Variants in RANBP2 observed in about 807,000 individuals in gnomAD.
RANBP2 encodes RAN binding protein 2, also known as E3 SUMO-protein ligase RanBP2.
RANBP2 carries 57 observed loss-of-function variants against 303.6 expected under a neutral mutation model. The ratio of observed to expected loss-of-function variants is 0.19; its 90% CI spans 0.15 to 0.23. The LOEUF is 0.23. RANBP2 is among the 10% of genes least tolerant of loss of function. The probability of loss-of-function intolerance (pLI) is 1.00; values close to 1 mark genes in which losing one functional copy is unlikely to be tolerated. For missense variants in RANBP2, 3,138 were observed against 3,780.8 expected (o/e 0.83, Z 4.46); for synonymous variants, 1,167 against 1,301.5 (o/e 0.90, Z 2.23).
At chr2:108,778,840 C>G (rs1387196353) in intron 25 of RANBP2, among the ~76,000 whole-genome samples, 1 of 151,960 alleles carries the variant, frequency 6.6e-6, no homozygotes, top group Non-Finnish European at 1.5e-5. Flanking sequence ...GCAATCCTTC[C>G]ACCTCAGCTT....
chr2:108,772,510 T>A lies in RANBP2; in HGVS notation c.8042T>A (p.Val2681Asp). The A allele has an allele frequency of 6.2e-7, 1 of 1,613,566 alleles. No individual in the cohort carries two copies. Among genetic ancestry groups the A allele is most frequent in the Non-Finnish European group, 8.5e-7 (1 of 1,179,694 alleles). The part of the protein sequence containing the change: ...EEDDEDFETA[V>D]KKLNGKLYLD... ...TAAGATGAAGATTTCGAAACAGCTG[T>A]CAAGAAACTTAATGGAAAACTATAT... is the stretch of plus-strand genomic sequence containing the variant. Residue 2681 changes from valine (V) to aspartate (D), a missense_variant, in exon 22 of 29, where the codon GTC becomes GAC. Physicochemically the swap from Val to Asp is radical, Grantham distance 152. Coordinates refer to ENST00000283195, the MANE Select transcript of RANBP2 (RefSeq NM_006267.5).
chr2:109,651,090 C>T, the RANBP2 span, among the ~76,000 whole-genome samples: 1 of 152,214 alleles, frequency 6.6e-6, no homozygotes, highest in East Asian at 1.9e-4. Context: ...CCTTCATACA[C>T]CAACTTCTCC....
At chr2:109,065,144 C>T in the RANBP2 span, among the ~76,000 whole-genome samples, 8 of 152,308 alleles carry the variant, frequency 5.3e-5, no homozygotes, top group Middle Eastern at 6.8e-3. Flanking sequence ...GTTGGCCCAG[C>T]TTCCAACAAA....
the RANBP2 span, among the ~76,000 whole-genome samples, chr2:109,649,053 C>A: frequency 6.6e-6 from 1 of 152,096 alleles, no homozygotes; most frequent in South Asian, 2.1e-4. Context: ...CAGTTGACGG[C>A]CTGGTGCTCG....
rs542610397 is a variant in RANBP2 at position 108,739,591 on chromosome 2, C to T, written c.783-898C>T. ...GCTTTATTGTAAGCCACTTTAAAAT[C>T]ATGCTTCACGTTTAAGTGTTTGCTT... On this transcript the variant is annotated intron_variant, in intron 6 of 28. Transcript: ENST00000283195. Among the ~76,000 whole-genome samples the T allele has an allele frequency of 8.8e-3, 1,338 of 152,294 alleles. 24 individuals carry two copies. Among genetic ancestry groups the T allele is most frequent in the African/African-American group, 0.03 (1,227 of 41,564 alleles).
chr2:108,795,993 G>C, the RANBP2 span, among the ~76,000 whole-genome samples: 1 of 151,950 alleles, frequency 6.6e-6, no homozygotes, highest in South Asian at 2.1e-4. Flanking sequence ...TGTTTAATAA[G>C]AAAAAAATGA....
chr2:108,914,221 C>T, the RANBP2 span, among the ~76,000 whole-genome samples: 3 of 151,942 alleles, frequency 2.0e-5, no homozygotes, highest in Admixed American at 2.0e-4. Context: ...GATCACACCA[C>T]TGCACTCTAG....
the RANBP2 span, chr2:109,613,926 G>C: frequency 2.5e-6 from 3 of 1,222,640 alleles, no homozygotes; most frequent in Non-Finnish European, 3.1e-6. Flanking sequence ...AGAAGCAACG[G>C]GCGGGGCGCG....
At chr2:109,122,139 G>A in the RANBP2 span, among the ~76,000 whole-genome samples, 1 of 152,206 alleles carries the variant, frequency 6.6e-6, no homozygotes, top group African/African-American at 2.4e-5. Context: ...ATTCAGGAGG[G>A]AACACGCTTT....
At chr2:108,852,900 TA>T in the RANBP2 span, among the ~76,000 whole-genome samples, 1 of 151,868 alleles carries the variant, frequency 6.6e-6, no homozygotes, top group Non-Finnish European at 1.5e-5. Context: ...TAAAATAAAA[TA>T]AAAAAACCCA....
the RANBP2 span, among the ~76,000 whole-genome samples, chr2:109,036,347 G>A: frequency 1.3e-5 from 2 of 152,176 alleles, no homozygotes; most frequent in Non-Finnish European, 2.9e-5. Flanking sequence ...TATAAGGCTA[G>A]TATTACCCTG....
the RANBP2 span, among the ~76,000 whole-genome samples, chr2:108,962,274 T>C: frequency 1.3e-5 from 2 of 152,184 alleles, no homozygotes; most frequent in African/African-American, 4.8e-5. Context: ...AGGAAAATCT[T>C]ATGAAATAGG....
At chr2:109,715,757 A>T in the RANBP2 span, among the ~76,000 whole-genome samples, 1 of 152,154 alleles carries the variant, frequency 6.6e-6, no homozygotes, top group Non-Finnish European at 1.5e-5. Flanking sequence ...CCAACCCTCT[A>T]ATCATCTGGT....
At chr2:108,983,342 A>G in the RANBP2 span, among the ~76,000 whole-genome samples, 1 of 152,218 alleles carries the variant, frequency 6.6e-6, no homozygotes, top group Non-Finnish European at 1.5e-5. Context: ...GTGCATTTCC[A>G]TATTTTTAAG....
chr2:109,620,481 C>T, the RANBP2 span, among the ~76,000 whole-genome samples: 5 of 152,152 alleles, frequency 3.3e-5, no homozygotes, highest in Admixed American at 1.3e-4. Context: ...GCAGGAGCAT[C>T]GCCTGAGGTC....
chr2:109,459,109 C>T, the RANBP2 span, among the ~76,000 whole-genome samples: 4 of 152,066 alleles, frequency 2.6e-5, no homozygotes, highest in Middle Eastern at 3.2e-3. Context: ...AGTGGTGCTT[C>T]GTCTTCTTCT....
At chr2:109,204,221 T>A in the RANBP2 span, among the ~76,000 whole-genome samples, 1 of 152,228 alleles carries the variant, frequency 6.6e-6, no homozygotes, top group African/African-American at 2.4e-5. Flanking sequence ...TGTCTGTCTG[T>A]CTGTCTTGGG....
the RANBP2 span, among the ~76,000 whole-genome samples, chr2:109,155,251 G>T: frequency 6.6e-6 from 1 of 152,324 alleles, no homozygotes; most frequent in East Asian, 1.9e-4. Context: ...TATAGTATTT[G>T]TGGAATAATT....
chr2:109,461,445 G>A, the RANBP2 span, among the ~76,000 whole-genome samples: 9 of 131,454 alleles, frequency 6.8e-5, no homozygotes, highest in South Asian at 2.9e-4. Context: ...AAAGACCTGC[G>A]CGGTGATCCA....
Sources: gnomAD v4.1 joint callset for allele counts (sites outside exome capture counted in the v4.1 genomes callset) on GRCh38, gnomAD v4.1.1 for gene constraint, MANE v1.5 for transcripts, NCBI Gene and HGNC (gene_info 2026-07-23, HGNC 2026-07-21) for gene names.